MIPOL1: variants seen among roughly 807,000 people sequenced by gnomAD.
MIPOL1 encodes the protein mirror-image polydactyly 1.
In MIPOL1, 57 loss-of-function variants were observed where a neutral mutation model predicts 60.9. The ratio of observed to expected loss-of-function variants is 0.94; its 90% CI spans 0.76 to 1.17. The LOEUF (loss-of-function observed/expected upper bound fraction) is 1.17. Among genes scored for constraint, MIPOL1 ranks in the 50% most tolerant of loss-of-function variants. The pLI is 0.00. For synonymous variants in MIPOL1, 179 were observed against 168.8 expected, an observed-to-expected ratio of 1.06 and a Z score of -0.47; for missense variants, 551 against 511.6, an observed-to-expected ratio of 1.08 and a Z score of -0.74.
intron 5 of MIPOL1, 98 bp downstream of exon 5, chr14:37,268,891 CT>C (rs2083081232): frequency 9.9e-7 from 1 of 1,008,804 alleles, no homozygotes; most frequent in Non-Finnish European, 1.4e-6. Context: ...TTATTTTGCA[CT>C]TTAATCATTT....
rs777784164 is a variant in MIPOL1 at position 37,547,733 on chromosome 14, C to CT, written c.*763dup. On this transcript the variant is annotated 3_prime_UTR_variant, in exon 13 of 13. Transcript: ENST00000684589. ...TGAATTCTACTTAAGCTATAAGTCTCTGTCATTTTTGCTTGAAAATTAGCA... is the reference window on the plus strand; with the variant it reads ...TGAATTCTACTTAAGCTATAAGTCTCTTGTCATTTTTGCTTGAAAATTAGCA... 7.9e-5 allele frequency: 12 copies of CT among 152,532 alleles called. No homozygotes were observed. The East Asian group carries it at 2.1e-3, about 27-fold the overall frequency. The allele number at this position is 152,532 out of a possible 1,614,324, so 9.4% of individuals were successfully genotyped here.
rs776130014 is a variant in MIPOL1, at chr14:37,266,963, A to G, written c.45A>G (p.Gln15=). 3.1e-6 allele frequency: 5 copies of G among 1,612,810 alleles called. No homozygotes were observed. In the South Asian group the frequency reaches 4.4e-5, roughly 14 times the overall value. The part of the protein sequence containing the change: ...SKDITHSYLE[Q]ETTGINKSTQ... ...ACATAACCCACAGTTATCTTGAACA[A>G]GAAACTACGGGGATAAATAAAAGTA... The change falls in exon 4 of 13, where the codon CAA becomes CAG. Residue 15 remains glutamine (Q), a synonymous_variant. Coordinates refer to ENST00000684589, the MANE Select transcript of MIPOL1 (RefSeq NM_001388067.1).
At chr14:37,505,414 G>A (rs1473441512) in intron 12 of MIPOL1, 2 of 152,154 alleles carry the variant, frequency 1.3e-5, no homozygotes, top group Admixed American at 6.6e-5. Context: ...CCATGATCAA[G>A]TCAGCTTCAT....
chr14:37,198,810 C>G (rs368904830), intron 1 of MIPOL1, among the ~76,000 whole-genome samples: 1 of 152,194 alleles, frequency 6.6e-6, no homozygotes, highest in Non-Finnish European at 1.5e-5. Flanking sequence ...AAGGGCCAAA[C>G]AAAACTACAT....
In MIPOL1 at chr14:37,508,489, T is replaced by C. The variant is rs28661298; in HGVS notation, c.1262+8351T>C. Among the ~76,000 whole-genome samples the C allele has an allele frequency of 7.1e-3, 1,076 of 152,314 alleles. 12 individuals carry two copies. The highest frequency in any genetic ancestry group is 0.025 in the African/African-American group (1,034 of 41,570). ...ATATTTTTATTGTACAATGAACATA[T>C]GTTTATGGTGAAAATAAATAAAGAC... is the stretch of plus-strand genomic sequence containing the variant. On this transcript the variant is annotated intron_variant, in intron 12 of 12. Coordinates refer to ENST00000684589, the MANE Select transcript of MIPOL1 (RefSeq NM_001388067.1).
intron 1 of MIPOL1, chr14:37,240,542 G>A (rs1023009210): frequency 1.3e-5 from 2 of 152,096 alleles, no homozygotes; most frequent in African/African-American, 4.8e-5. Context: ...AAGAAAACAG[G>A]CTATTTGTTC....
At chr14:37,504,655 GAA>G (rs1396749380) in intron 12 of MIPOL1, 1 of 152,124 alleles carries the variant, frequency 6.6e-6, no homozygotes, top group East Asian at 1.9e-4. Flanking sequence ...GAGAAAGCAA[GAA>G]AGATCTAAAA....
intron 10 of MIPOL1, among the ~76,000 whole-genome samples, chr14:37,378,985 A>C (rs1020521881): frequency 2.0e-5 from 3 of 152,048 alleles, no homozygotes; most frequent in Admixed American, 6.6e-5. Context: ...TAGTAATCCT[A>C]ATATAAAAAC....
chr14:37,416,498 G>A (rs181912667), intron 10 of MIPOL1, among the ~76,000 whole-genome samples: 7 of 152,220 alleles, frequency 4.6e-5, no homozygotes, highest in Admixed American at 4.6e-4. Flanking sequence ...AACATGTTCA[G>A]CTGTGACACA....
At chr14:37,454,315 G>A (rs532537942) in intron 11 of MIPOL1, among the ~76,000 whole-genome samples, 4 of 152,308 alleles carry the variant, frequency 2.6e-5, no homozygotes, top group African/African-American at 4.8e-5. Flanking sequence ...TGGCAGTCTT[G>A]ATGTGGATCT....
chr14:37,483,107 A>G (rs1470666432), intron 11 of MIPOL1, among the ~76,000 whole-genome samples: 2 of 134,600 alleles, frequency 1.5e-5, no homozygotes, highest in Non-Finnish European at 3.1e-5. Flanking sequence ...TTCAGTATAG[A>G]CACAACCTTT....
At chr14:37,199,793 G>A (rs1204081156) in intron 1 of MIPOL1, among the ~76,000 whole-genome samples, 2 of 152,118 alleles carry the variant, frequency 1.3e-5, no homozygotes, top group African/African-American at 2.4e-5. Flanking sequence ...CCAGAGTGCT[G>A]GGATTACAGG....
intron 7 of MIPOL1, among the ~76,000 whole-genome samples, chr14:37,286,288 C>A (rs976337471): frequency 1.3e-5 from 2 of 152,136 alleles, no homozygotes; most frequent in African/African-American, 4.8e-5. Flanking sequence ...CTTAGAGAAA[C>A]AATGCCCTAG....
chr14:37,444,018 C>G (rs1455031165), intron 11 of MIPOL1, among the ~76,000 whole-genome samples: 1 of 152,048 alleles, frequency 6.6e-6, no homozygotes, highest in Non-Finnish European at 1.5e-5. Flanking sequence ...TATTTAATGA[C>G]AAAGGCTATG....
intron 12 of MIPOL1, chr14:37,505,453 T>C (rs1405653707): frequency 6.6e-6 from 1 of 152,156 alleles, no homozygotes. Flanking sequence ...GTTCAACATA[T>C]GCACATCAAT....
intron 10 of MIPOL1, among the ~76,000 whole-genome samples, chr14:37,422,507 A>G (rs8022848): frequency 0.23 from 34,526 of 151,858 alleles, 4,455 homozygotes; most frequent in South Asian, 0.36. Flanking sequence ...TGAAACACCC[A>G]TTGTACTTAT....
At chr14:37,447,050 T>C (rs1224409530) in intron 11 of MIPOL1, among the ~76,000 whole-genome samples, 1 of 151,778 alleles carries the variant, frequency 6.6e-6, no homozygotes, top group Non-Finnish European at 1.5e-5. Context: ...ATTGTGCACA[T>C]GTACCCTAAA....
At chr14:37,444,240 C>T (rs1213995784) in intron 11 of MIPOL1, among the ~76,000 whole-genome samples, 1 of 152,052 alleles carries the variant, frequency 6.6e-6, no homozygotes, top group Non-Finnish European at 1.5e-5. Context: ...TATGGAAATA[C>T]AATTGATTTT....
chr14:37,388,985 A>G (rs950978868), intron 10 of MIPOL1, among the ~76,000 whole-genome samples: 1 of 152,124 alleles, frequency 6.6e-6, no homozygotes. Flanking sequence ...AAAGTTTTTT[A>G]TCAAAAATAA....
Sources: allele counts gnomAD v4.1 joint callset (sites outside exome capture counted in the v4.1 genomes callset), GRCh38; gene constraint gnomAD v4.1.1; transcripts MANE v1.5; gene names NCBI Gene and HGNC (gene_info 2026-07-23, HGNC 2026-07-21).